PZP: variants seen among roughly 807,000 people sequenced by gnomAD.
The protein encoded by PZP is PZP alpha-2-macroglobulin like.
In PZP, 150 loss-of-function variants were observed where a neutral mutation model predicts 179.8. The ratio of observed to expected loss-of-function variants is 0.83; its 90% CI spans 0.73 to 0.96. PZP has a LOEUF of 0.96. PZP is among the 40% of genes least tolerant of loss of function. PZP has a pLI of 0.00. For missense variants in PZP, 1,689 were observed against 1,764.0 expected (o/e 0.96, Z 0.76); for synonymous variants, 624 against 652.3 (o/e 0.96, Z 0.66).
At chr12:9,206,295 A>G (rs958943177) in intron 1 of PZP, among the ~76,000 whole-genome samples, 5 of 151,802 alleles carry the variant, frequency 3.3e-5, no homozygotes, top group Non-Finnish European at 5.9e-5. Flanking sequence ...TATAAATTAT[A>G]AGCCTAAAAG....
intron 13 of PZP, among the ~76,000 whole-genome samples, chr12:9,188,489 T>A (rs1210161542): frequency 6.6e-6 from 1 of 152,108 alleles, no homozygotes; most frequent in African/African-American, 2.4e-5. Flanking sequence ...CTCTCACCAC[T>A]CCTATTGAAC....
At position 9,152,390 on chromosome 12, in the gene PZP, G is replaced by A. The variant is rs996648864; in HGVS notation, c.4122-80C>T. Reference sequence around the variant, plus strand: ...TTTCTGCTTTCAAGCATCACTTTAAGCCTGTCTGTCTTCAAGAAGTTGTCC... The same window carrying A: ...TTTCTGCTTTCAAGCATCACTTTAAACCTGTCTGTCTTCAAGAAGTTGTCC... On this transcript the variant is annotated intron_variant, in intron 31 of 35. Coordinates refer to ENST00000261336, the MANE Select transcript of PZP (RefSeq NM_002864.3). The A allele has an allele frequency of 5.8e-6, 6 of 1,029,928 alleles. No homozygotes were observed. The African/African-American group carries it at 7.9e-5, about 14-fold the overall frequency. 63.8% of individuals were successfully genotyped at this position (1,029,928 alleles called of 1,614,324 possible).
chr12:9,197,708 TACA>T, intron 7 of PZP, among the ~76,000 whole-genome samples: 1 of 89,042 alleles, frequency 1.1e-5, no homozygotes, highest in Non-Finnish European at 2.0e-5. Context: ...TTATATATTA[TACA>T]ATACATAATA....
At chr12:9,198,596 G>A (rs1943974664) in intron 7 of PZP, among the ~76,000 whole-genome samples, 2 of 152,164 alleles carry the variant, frequency 1.3e-5, no homozygotes, top group South Asian at 2.1e-4. Context: ...AACACATGAG[G>A]CATGTAAATA....
In PZP at chr12:9,203,949, T is replaced by G. The variant is rs146791520; in HGVS notation, c.86A>C (p.Gln29Pro). The G allele has an allele frequency of 7.5e-6, 12 of 1,605,556 alleles. No individual in the cohort carries two copies. The highest frequency in any genetic ancestry group is 2.7e-5 in the African/African-American group (2 of 74,522). Residue 29 changes from glutamine to proline, a missense_variant and splice_region_variant, in exon 2 of 36, where the codon CAG becomes CCG. Physicochemically the swap from Gln to Pro is moderately conservative, Grantham distance 76. This residue lies in a region of PZP where 742 missense variants were observed against 730.5 expected (regional missense o/e 1.02). Transcript: ENST00000261336. Reference protein sequence around the residue: ...SASDSNSTEPQYMVLVPSLLH... With the variant: ...SASDSNSTEPPYMVLVPSLLH... ...CAGGGAGGGGACCAGCACCATATAC[T>G]GCCTGGGAAAGGAAGAAGTCTAAAT...
downstream of PZP, among the ~76,000 whole-genome samples, chr12:9,145,231 G>A (rs992711175): frequency 6.6e-6 from 1 of 152,114 alleles, no homozygotes; most frequent in Non-Finnish European, 1.5e-5. Context: ...TGTTAGCCTT[G>A]TAATTATTTT....
chr12:9,139,247 T>C, the PZP span, among the ~76,000 whole-genome samples: 1 of 152,334 alleles, frequency 6.6e-6, no homozygotes, highest in East Asian at 1.9e-4. Context: ...GTCTTCCTTC[T>C]GTTATTGATT....
chr12:9,146,551 C>T (rs74060481), downstream of PZP, among the ~76,000 whole-genome samples: 204 of 152,060 alleles, frequency 1.3e-3, no homozygotes, highest in African/African-American at 4.7e-3. Flanking sequence ...ATATCTTTGC[C>T]TAATTCTTCA....
chr12:9,165,493 T>C, intron 18 of PZP, 126 bp from the exon 19 acceptor site: 5 of 1,056,410 alleles, frequency 4.7e-6, no homozygotes, highest in Non-Finnish European at 6.9e-6. Context: ...CGAGTGTGCA[T>C]TCGTGTGAAC....
chr12:9,156,557 C>T (rs893921697), intron 28 of PZP, among the ~76,000 whole-genome samples: 7 of 152,152 alleles, frequency 4.6e-5, no homozygotes, highest in African/African-American at 1.7e-4. Context: ...AGCTGTTGTA[C>T]CTCTTTTCAT....
At chr12:9,166,674 C>T (rs1676468447) in intron 17 of PZP, among the ~76,000 whole-genome samples, 1 of 152,170 alleles carries the variant, frequency 6.6e-6, no homozygotes, top group African/African-American at 2.4e-5. Flanking sequence ...CTTTAAATCA[C>T]TGTATGGAAC....
At chr12:9,203,704 A>C (rs577894908) in intron 2 of PZP, 64 bp downstream of exon 2, 2 of 1,559,874 alleles carry the variant, frequency 1.3e-6, no homozygotes, top group Non-Finnish European at 1.8e-6. Flanking sequence ...CTCCATCACC[A>C]TGACCTATAG....
chr12:9,185,954 T>C (rs980460546), intron 13 of PZP, among the ~76,000 whole-genome samples: 1 of 151,618 alleles, frequency 6.6e-6, no homozygotes, highest in Non-Finnish European at 1.5e-5. Flanking sequence ...ACTACAGGCG[T>C]GCACCATCAC....
intron 13 of PZP, among the ~76,000 whole-genome samples, chr12:9,185,230 G>C (rs2121017438): frequency 6.6e-6 from 1 of 152,262 alleles, no homozygotes; most frequent in South Asian, 2.1e-4. Context: ...GTATAGAAAA[G>C]AACATAACCA....
chr12:9,163,557 T>G, intron 21 of PZP, 111 bp downstream of exon 21: 1 of 1,244,618 alleles, frequency 8.0e-7, no homozygotes. Flanking sequence ...ATTCCATTAG[T>G]CTTACAGGAT....
intron 1 of PZP, among the ~76,000 whole-genome samples, chr12:9,206,836 G>A (rs922269386): frequency 6.6e-6 from 1 of 152,148 alleles, no homozygotes; most frequent in Non-Finnish European, 1.5e-5. Flanking sequence ...CCAATGTAGT[G>A]TAGGAATGCA....
chr12:9,145,236 T>C (rs1329441931), downstream of PZP, among the ~76,000 whole-genome samples: 1 of 152,206 alleles, frequency 6.6e-6, no homozygotes, highest in Non-Finnish European at 1.5e-5. Flanking sequence ...GCCTTGTAAT[T>C]ATTTTGTCTG....
intron 13 of PZP, 137 bp downstream of exon 13, chr12:9,192,056 A>G (rs1044684387): frequency 1.0e-4 from 73 of 698,996 alleles, no homozygotes; most frequent in South Asian, 5.8e-4. Flanking sequence ...CCAAAGAGTC[A>G]TAAGACGAGT....
At chr12:9,154,902 A>G in intron 28 of PZP, 63 bp from the exon 29 acceptor site, 1 of 1,444,210 alleles carries the variant, frequency 6.9e-7, no homozygotes, top group Non-Finnish European at 9.5e-7. Flanking sequence ...CTGGTAGATA[A>G]GAGAATGCAC....
Sources: allele counts gnomAD v4.1 joint callset (sites outside exome capture counted in the v4.1 genomes callset), GRCh38; gene constraint gnomAD v4.1.1; regional missense constraint gnomAD v4.1.1; transcripts MANE v1.5; gene names NCBI Gene and HGNC (gene_info 2026-07-23, HGNC 2026-07-21).